Variants in SPNS2 observed in about 807,000 individuals in gnomAD.
SPNS2 encodes sphingosine-1-phosphate transporter SPNS2.
SPNS2 carries 37 observed loss-of-function variants against 57.6 expected under a neutral mutation model. The observed-to-expected ratio is 0.64, with a 90% CI of 0.49 to 0.85. The LOEUF (loss-of-function observed/expected upper bound fraction) is 0.85. Ranked by LOEUF, SPNS2 falls within the 40% of genes least tolerant of loss-of-function variation. The pLI, the probability that SPNS2 is intolerant of heterozygous loss-of-function variation, is 0.00. For synonymous variants in SPNS2, 440 were observed against 346.9 expected, an observed-to-expected ratio of 1.27 and a Z score of -2.98; for missense variants, 831 against 779.1, an observed-to-expected ratio of 1.07 and a Z score of -0.79.
intron 2 of SPNS2, among the ~76,000 whole-genome samples, chr17:4,513,653 A>C (rs1487095143): frequency 6.6e-6 from 1 of 152,058 alleles, no homozygotes; most frequent in Non-Finnish European, 1.5e-5. Context: ...TGGTGCAGGG[A>C]GCTCCTTAAT....
In SPNS2 at chr17:4,538,061, A is replaced by ACACTGTCT. The variant is rs764760953; in HGVS notation, c.*623_*630dup. On this transcript the variant is annotated 3_prime_UTR_variant, in exon 13 of 13. Transcript: ENST00000329078. ...CAAGTCTCTGGGTACTCCCTGGAGGACACTGTCTCACTGTCTCGGGTTGGC... is the reference window on the plus strand; with the variant it reads ...CAAGTCTCTGGGTACTCCCTGGAGGACACTGTCTCACTGTCTCACTGTCTCGGGTTGGC... 1 of 344,056 alleles carries ACACTGTCT rather than the reference A, an allele frequency of 2.9e-6. No individual in the cohort carries two copies. The highest frequency in any genetic ancestry group is 3.8e-5 in the Admixed American group (1 of 26,066). 21.3% of individuals were successfully genotyped at this position (344,056 alleles called of 1,614,324 possible).
intron 1 of SPNS2, among the ~76,000 whole-genome samples, chr17:4,506,674 G>A (rs1173673044): frequency 3.9e-5 from 6 of 152,182 alleles, no homozygotes; most frequent in South Asian, 2.1e-4. Context: ...TAGGGCTAGC[G>A]GGGTCTGCGG....
At chr17:4,533,706 G>A in intron 8 of SPNS2, 82 bp from the exon 9 acceptor site, 1 of 1,498,858 alleles carries the variant, frequency 6.7e-7, no homozygotes, top group Non-Finnish European at 9.3e-7. Context: ...CTCCCTGCCA[G>A]CAGCCAGTGT....
intron 2 of SPNS2, 35 bp from the exon 3 acceptor site, chr17:4,525,022 C>G: frequency 6.2e-7 from 1 of 1,606,870 alleles, no homozygotes; most frequent in Non-Finnish European, 8.5e-7. Flanking sequence ...GGCGCAGGGA[C>G]CTGGGCCCCC....
At position 4,536,066 on chromosome 17, in the gene SPNS2, T is replaced by C; in HGVS notation, c.1345-10T>C. On this transcript the variant is annotated splice_polypyrimidine_tract_variant and intron_variant, in intron 9 of 12. Coordinates refer to ENST00000329078, the MANE Select transcript of SPNS2 (RefSeq NM_001124758.3). ...TCCTCTGGCCGCTGACCTGCCCGCC[T>C]GTTCCGCAGTACGTGGTCATCCCCA... is the stretch of plus-strand genomic sequence containing the variant. 1 of 1,608,370 alleles carries C rather than the reference T, an allele frequency of 6.2e-7. No homozygotes were observed. The highest frequency in any genetic ancestry group is 1.1e-5 in the South Asian group (1 of 90,894).
intron 2 of SPNS2, 30 bp from the exon 3 acceptor site, chr17:4,525,027 G>GC (rs763993042): frequency 4.4e-6 from 7 of 1,607,238 alleles, no homozygotes; most frequent in South Asian, 2.2e-5. Context: ...AGGGACCTGG[G>GC]CCCCCCCTCA....
intron 2 of SPNS2, among the ~76,000 whole-genome samples, chr17:4,515,520 A>C (rs1004336532): frequency 1.3e-5 from 2 of 152,082 alleles, no homozygotes; most frequent in Admixed American, 1.3e-4. Flanking sequence ...TAGTCTGTAC[A>C]CCATGGCCCT....
At chr17:4,502,131 T>G (rs1455934787) in intron 1 of SPNS2, among the ~76,000 whole-genome samples, 1 of 152,102 alleles carries the variant, frequency 6.6e-6, no homozygotes, top group African/African-American at 2.4e-5. Context: ...AACCCAGCAC[T>G]TTGGGAGGTC....
In SPNS2 at chr17:4,499,362, C is replaced by A; in HGVS notation, c.315C>A (p.Ala105=). The A allele has an allele frequency of 7.0e-7, 1 of 1,428,594 alleles. No homozygotes were observed. Among genetic ancestry groups the A allele is most frequent in the Non-Finnish European group, 9.1e-7 (1 of 1,095,530 alleles). The allele number at this position is 1,428,594 out of a possible 1,614,324, so 88.5% of individuals were successfully genotyped here. ...ASLGRGRGAA[A]AILSLGNVLN... is the part of the protein sequence containing the mutation. ...TGGGCCGCGGGCGGGGGGCAGCCGCCGCCATCCTCAGCTTGGGCAACGTGC... is the reference window on the plus strand; with the variant it reads ...TGGGCCGCGGGCGGGGGGCAGCCGCAGCCATCCTCAGCTTGGGCAACGTGC... Residue 105 remains alanine, a synonymous_variant, in exon 1 of 13, where the codon GCC becomes GCA. Transcript: ENST00000329078. This position sits in a 1 kb window ranked among gnomAD's most constrained non-coding sequence, Gnocchi z 5.2.
At chr17:4,528,947 T>C (rs1020977398) in intron 3 of SPNS2, among the ~76,000 whole-genome samples, 4 of 151,630 alleles carry the variant, frequency 2.6e-5, no homozygotes, top group African/African-American at 9.7e-5. Context: ...CTTTTCTTTT[T>C]TTTTTTTGAA....
chr17:4,533,928 G>T (rs1597370364), intron 9 of SPNS2, 75 bp downstream of exon 9: 1 of 1,248,196 alleles, frequency 8.0e-7, no homozygotes. Context: ...CCTGGGGAGG[G>T]CGGGTGAAGG....
At position 4,536,303 on chromosome 17, in the gene SPNS2, T is replaced by C; in HGVS notation, c.1484T>C (p.Leu495Pro). 1 of 1,612,722 alleles carries C rather than the reference T, an allele frequency of 6.2e-7. No homozygotes were observed. ...LIRQSTKDSP[L>P]WEFLSLGYAL... Reference sequence around the variant, plus strand: ...CGCCAGAGCACTAAGGACTCCCCGCTCTGGGAGTTCCTGAGCCTGGGCTAC... The same window carrying C: ...CGCCAGAGCACTAAGGACTCCCCGCCCTGGGAGTTCCTGAGCCTGGGCTAC... Residue 495 changes from leucine to proline, a missense_variant, in exon 11 of 13, where the codon CTC becomes CCC. Transcript: ENST00000329078.
At chr17:4,505,131 G>A (rs145554526) in intron 1 of SPNS2, among the ~76,000 whole-genome samples, 2 of 152,232 alleles carry the variant, frequency 1.3e-5, no homozygotes, top group East Asian at 1.9e-4. Context: ...GCTCTGCTCC[G>A]CCTCCATCAC....
rs557595013 is a variant in SPNS2, at chr17:4,522,741, C to A, written c.437-2316C>A. Reference sequence around the variant, plus strand: ...GGCCATCTGCCCATCAGCTGTGGGACTGCTTTCCAGGGGGAGGGATGGGGG... The same window carrying A: ...GGCCATCTGCCCATCAGCTGTGGGAATGCTTTCCAGGGGGAGGGATGGGGG... On this transcript the variant is annotated intron_variant, in intron 2 of 12. Transcript: ENST00000329078. 4.6e-5 allele frequency among the ~76,000 whole-genome samples: 7 copies of A among 152,356 alleles called. No individual in the cohort carries two copies. The East Asian group carries it at 1.4e-3, about 29-fold the overall frequency.
intron 1 of SPNS2, among the ~76,000 whole-genome samples, chr17:4,504,900 G>A (rs1308423655): frequency 6.6e-6 from 1 of 152,134 alleles, no homozygotes; most frequent in Non-Finnish European, 1.5e-5. Context: ...CAGTGTCTTG[G>A]TCCCAAGGAT....
chr17:4,532,496 C>G (rs750127763), intron 5 of SPNS2, 46 bp from the exon 6 acceptor site: 6 of 1,613,540 alleles, frequency 3.7e-6, no homozygotes, highest in African/African-American at 1.3e-5. Flanking sequence ...GCAGCAGGGA[C>G]GAGGCTCACT....
At chr17:4,536,521 T>A in intron 11 of SPNS2, 95 bp downstream of exon 11, 3 of 1,392,106 alleles carry the variant, frequency 2.2e-6, no homozygotes, top group Non-Finnish European at 2.9e-6. Flanking sequence ...GCGGGGAGGG[T>A]ACAGACCTCC....
intron 2 of SPNS2, among the ~76,000 whole-genome samples, chr17:4,522,525 G>A (rs530508417): frequency 1.7e-3 from 260 of 152,320 alleles, no homozygotes; most frequent in Non-Finnish European, 2.8e-3. Context: ...GTTCAGGGGA[G>A]CTCTGCCTGG....
chr17:4,538,637 T>A lies in SPNS2; in HGVS notation c.*1189T>A. 1 of 482,730 alleles carries A rather than the reference T, an allele frequency of 2.1e-6. No individual in the cohort carries two copies. The highest frequency in any genetic ancestry group is 2.4e-5 in the South Asian group (1 of 42,438). 29.9% of individuals were successfully genotyped at this position (482,730 alleles called of 1,614,324 possible). On this transcript the variant is annotated 3_prime_UTR_variant, in exon 13 of 13. Coordinates refer to ENST00000329078, the MANE Select transcript of SPNS2 (RefSeq NM_001124758.3). The stretch of plus-strand genomic sequence containing the variant: ...AGGTGGTTCTGGTGCGGGGGTGGGG[T>A]GGGGGGTGAGGCCTTGTGGCCAATG...
Sources: allele counts gnomAD v4.1 joint callset (sites outside exome capture counted in the v4.1 genomes callset), GRCh38; gene constraint gnomAD v4.1.1; non-coding constraint Gnocchi (gnomAD v3.1); transcripts MANE v1.5; gene names NCBI Gene and HGNC (gene_info 2026-07-23, HGNC 2026-07-21).